Variants in PTPRG observed in about 807,000 individuals in gnomAD.
PTPRG encodes receptor-type tyrosine-protein phosphatase gamma.
PTPRG carries 102 observed loss-of-function variants against 165.3 expected under a neutral mutation model. The observed-to-expected ratio is 0.62, with a 90% CI of 0.53 to 0.73. The LOEUF is 0.73. Among genes scored for constraint, PTPRG ranks in the 30% least tolerant of loss-of-function variants. The pLI, the probability that PTPRG is intolerant of heterozygous loss-of-function variation, is 0.00. For missense variants in PTPRG, 1,866 were observed against 1,861.4 expected (o/e 1.00, Z -0.05); for synonymous variants, 675 against 669.5 (o/e 1.01, Z -0.13).
At chr3:61,814,919 A>G (rs2035708285) in intron 2 of PTPRG, among the ~76,000 whole-genome samples, 2 of 151,928 alleles carry the variant, frequency 1.3e-5, no homozygotes, top group Admixed American at 6.6e-5. Flanking sequence ...TATTTCATAA[A>G]TAAAGATGCT....
chr3:61,661,425 G>T (rs571730194), intron 1 of PTPRG, among the ~76,000 whole-genome samples: 1 of 151,768 alleles, frequency 6.6e-6, no homozygotes, highest in African/African-American at 2.4e-5. Context: ...CTATATGCCC[G>T]TTTTTATGCT....
rs1170307940 is a variant in PTPRG, at chr3:61,740,805, C to T, written c.86-8073C>T. 3.9e-5 allele frequency among the ~76,000 whole-genome samples: 6 copies of T among 152,016 alleles called. No homozygotes were observed. In the East Asian group the frequency reaches 1.2e-3, roughly 29 times the overall value. Reference sequence around the variant, plus strand: ...TATTCATGTAAGGTGATGAAAAAAACTTTTTATAGTTGAAACAGTAAGTAT... The same window carrying T: ...TATTCATGTAAGGTGATGAAAAAAATTTTTTATAGTTGAAACAGTAAGTAT... On this transcript the variant is annotated intron_variant, in intron 1 of 29. Transcript: ENST00000474889.
chr3:61,726,286 C>T (rs954405801), intron 1 of PTPRG, among the ~76,000 whole-genome samples: 3 of 152,050 alleles, frequency 2.0e-5, no homozygotes, highest in Admixed American at 6.6e-5. Flanking sequence ...CTCTTTCAAG[C>T]GAAAGGGTCT....
chr3:62,229,942 T>C lies in PTPRG; in HGVS notation c.2289-1283T>C, dbSNP rs569061318. On this transcript the variant is annotated intron_variant, in intron 13 of 29. Coordinates refer to ENST00000474889, the MANE Select transcript of PTPRG (RefSeq NM_002841.4). The surrounding 1 kb of genome is among the most constrained non-coding windows in gnomAD (Gnocchi z 4.6). ...GGGTTGAGAAAAAGTCTAAATATTT[T>C]AGGAAGCTGCAAATTTCAAGTTTTT... Among the ~76,000 whole-genome samples the C allele has an allele frequency of 2.0e-5, 3 of 152,344 alleles. No homozygotes were observed. Among genetic ancestry groups the C allele is most frequent in the Admixed American group, 6.5e-5 (1 of 15,294 alleles).
At chr3:61,723,084 G>A (rs1057174863) in intron 1 of PTPRG, among the ~76,000 whole-genome samples, 3 of 152,006 alleles carry the variant, frequency 2.0e-5, no homozygotes, top group African/African-American at 7.2e-5. Context: ...GGACTATTCT[G>A]ATTTCCTGTC....
At chr3:62,266,910 G>T (rs556864684) in intron 17 of PTPRG, among the ~76,000 whole-genome samples, 62 of 150,716 alleles carry the variant, frequency 4.1e-4, no homozygotes, top group South Asian at 1.1e-3. Flanking sequence ...ATTAACTTCA[G>T]ATTCCTGTAA....
intron 15 of PTPRG, among the ~76,000 whole-genome samples, chr3:62,248,249 C>A (rs1161878232): frequency 6.6e-6 from 1 of 152,130 alleles, no homozygotes; most frequent in Non-Finnish European, 1.5e-5. Flanking sequence ...AGTGCCTGTT[C>A]CATGCATGAC....
rs1486361184 is a variant in PTPRG at position 62,273,760 on chromosome 3, A to T, written c.3381A>T (p.Val1127=). ...CCATTCTTGGAAAGGAGACTGAAGT[A>T]TCTTCAAATCAGCTGCACAGCTATG... ...LEAILGKETE[V]SSNQLHSYVN... is the part of the protein sequence containing the mutation. The change falls in exon 23 of 30, where the codon GTA becomes GTT. Residue 1127 remains valine (V), a synonymous_variant. Transcript: ENST00000474889. The surrounding 1 kb of genome is among the most constrained non-coding windows in gnomAD (Gnocchi z 4.1). The T allele has an allele frequency of 6.2e-7, 1 of 1,613,764 alleles. No homozygotes were observed. The highest frequency in any genetic ancestry group is 1.7e-5 in the Admixed American group (1 of 60,004).
At position 61,767,612 on chromosome 3, in the gene PTPRG, A is replaced by G. The variant is rs113226339; in HGVS notation, c.190+18630A>G. 6.2e-3 allele frequency among the ~76,000 whole-genome samples: 946 copies of G among 152,324 alleles called. 6 individuals carry two copies. Among genetic ancestry groups the G allele is most frequent in the African/African-American group, 0.021 (872 of 41,570 alleles). ...AATATAAAAGGTAGAAAATATATAC[A>G]TTTTCAGTGTTCCAAGACACTTTGG... On this transcript the variant is annotated intron_variant, in intron 2 of 29. Coordinates refer to ENST00000474889, the MANE Select transcript of PTPRG (RefSeq NM_002841.4).
intron 15 of PTPRG, among the ~76,000 whole-genome samples, chr3:62,244,952 A>G (rs1701257680): frequency 6.6e-6 from 1 of 152,160 alleles, no homozygotes; most frequent in African/African-American, 2.4e-5. Context: ...TATTGTTTGC[A>G]GATTGTCACT....
intron 2 of PTPRG, among the ~76,000 whole-genome samples, chr3:61,900,497 C>T (rs1032089366): frequency 1.3e-5 from 2 of 152,130 alleles, no homozygotes; most frequent in African/African-American, 2.4e-5. Flanking sequence ...AAGTCCCCAT[C>T]CTCTGATGTA....
chr3:61,871,588 T>C (rs147012374), intron 2 of PTPRG, among the ~76,000 whole-genome samples: 2 of 152,244 alleles, frequency 1.3e-5, no homozygotes, highest in East Asian at 3.9e-4. Context: ...CTGGGCCCTG[T>C]TGGATCATGG....
chr3:62,072,489 CACTT>C (rs552556642), intron 4 of PTPRG, among the ~76,000 whole-genome samples: 312 of 152,274 alleles, frequency 2.0e-3, no homozygotes, highest in Non-Finnish European at 3.7e-3. Context: ...TAATGACTCT[CACTT>C]ACGACTTTGA....
intron 2 of PTPRG, among the ~76,000 whole-genome samples, chr3:61,802,814 C>CTGGTTT (rs2035288686): frequency 6.6e-6 from 1 of 152,038 alleles, no homozygotes; most frequent in Admixed American, 6.6e-5. Context: ...GTCATGGGGA[C>CTGGTTT]TGTGAGGACC....
intron 5 of PTPRG, among the ~76,000 whole-genome samples, chr3:62,084,341 G>A (rs968845960): frequency 6.6e-6 from 1 of 152,208 alleles, no homozygotes; most frequent in Non-Finnish European, 1.5e-5. Context: ...TCTACTGGGA[G>A]AGTTGAGCTG....
chr3:62,227,148 A>G (rs1056578325), intron 13 of PTPRG, among the ~76,000 whole-genome samples: 4 of 152,190 alleles, frequency 2.6e-5, no homozygotes, highest in African/African-American at 9.7e-5. Flanking sequence ...GACTGACCAC[A>G]TGTGCCTCAC....
chr3:61,927,847 T>C (rs2039262006), intron 2 of PTPRG, among the ~76,000 whole-genome samples: 1 of 152,194 alleles, frequency 6.6e-6, no homozygotes, highest in Admixed American at 6.5e-5. Flanking sequence ...GAAGATACAG[T>C]TCCTCTGTAA....
In PTPRG at chr3:62,222,250, T is replaced by C. The variant is rs1559673049; in HGVS notation, c.2288+3267T>C. On this transcript the variant is annotated intron_variant, in intron 13 of 29. Coordinates refer to ENST00000474889, the MANE Select transcript of PTPRG (RefSeq NM_002841.4). The surrounding 1 kb of genome is among the most constrained non-coding windows in gnomAD (Gnocchi z 4.5). ...CATGGAATTGAGAAGTTCAGGAGCATTGGGCCTGGCTGAATTTGTAAGATG... is the reference window on the plus strand; with the variant it reads ...CATGGAATTGAGAAGTTCAGGAGCACTGGGCCTGGCTGAATTTGTAAGATG... Among the ~76,000 whole-genome samples the C allele has an allele frequency of 6.6e-6, 1 of 152,178 alleles. No individual in the cohort carries two copies. Among genetic ancestry groups the C allele is most frequent in the Non-Finnish European group, 1.5e-5 (1 of 68,026 alleles).
At chr3:61,668,364 G>A (rs1702867098) in intron 1 of PTPRG, among the ~76,000 whole-genome samples, 1 of 152,190 alleles carries the variant, frequency 6.6e-6, no homozygotes, top group Non-Finnish European at 1.5e-5. Flanking sequence ...AAAAATGGGA[G>A]AGTGTGTGAA....
Sources: gnomAD v4.1 joint callset for allele counts (sites outside exome capture counted in the v4.1 genomes callset) on GRCh38, gnomAD v4.1.1 for gene constraint, Gnocchi (gnomAD v3.1) non-coding constraint, MANE v1.5 for transcripts, NCBI Gene and HGNC (gene_info 2026-07-23, HGNC 2026-07-21) for gene names.